KCNQ1: variants seen among roughly 807,000 people sequenced by gnomAD.
KCNQ1 encodes potassium voltage-gated channel subfamily Q member 1, also known as potassium voltage-gated channel subfamily KQT member 1.
KCNQ1 carries 49 observed loss-of-function variants against 72.4 expected under a neutral mutation model. The observed-to-expected ratio is 0.68, with a 90% CI of 0.54 to 0.86. KCNQ1 has a LOEUF of 0.86. Among genes scored for constraint, KCNQ1 ranks in the 40% least tolerant of loss-of-function variants. The pLI is 0.00. For missense variants in KCNQ1, 790 were observed against 945.1 expected (o/e 0.84, Z 2.15); for synonymous variants, 450 against 412.6 (o/e 1.09, Z -1.10).
chr11:2,586,188 T>C (rs937449517), intron 8 of KCNQ1, among the ~76,000 whole-genome samples: 5 of 152,182 alleles, frequency 3.3e-5, no homozygotes, highest in African/African-American at 1.2e-4. Context: ...ACACTGGGCC[T>C]GATGTCCCCC....
chr11:2,746,832 C>G lies in KCNQ1; in HGVS notation c.1515-22012C>G, dbSNP rs1846147835. On this transcript the variant is annotated intron_variant, in intron 11 of 15. Coordinates refer to ENST00000155840, the MANE Select transcript of KCNQ1 (RefSeq NM_000218.3). The surrounding 1 kb of genome is among the most constrained non-coding windows in gnomAD (Gnocchi z 5.9). ...ATTTGGCTCTGGGGCCCTAGAGAGA[C>G]CCTGGGATGTGGATCACACTGGTGA... Among the ~76,000 whole-genome samples the G allele has an allele frequency of 6.6e-6, 1 of 152,216 alleles. No homozygotes were observed. The highest frequency in any genetic ancestry group is 1.5e-5 in the Non-Finnish European group (1 of 68,034).
rs976999390 is a variant in KCNQ1 at position 2,565,268 on chromosome 11, G to A, written c.478-5360G>A. On this transcript the variant is annotated intron_variant, in intron 2 of 15. Coordinates refer to ENST00000155840, the MANE Select transcript of KCNQ1 (RefSeq NM_000218.3). This position sits in a 1 kb window ranked among gnomAD's most constrained non-coding sequence, Gnocchi z 5.6. ...CAGCACACAAGGTCCCAACTTCTCC[G>A]GATCCTTGGGAGCACTTGTCACTCT... 3.3e-5 allele frequency among the ~76,000 whole-genome samples: 5 copies of A among 152,114 alleles called. No individual in the cohort carries two copies. The highest frequency in any genetic ancestry group is 2.1e-4 in the South Asian group (1 of 4,820).
At chr11:2,780,599 G>T (rs1046038322) in intron 15 of KCNQ1, among the ~76,000 whole-genome samples, 1 of 152,212 alleles carries the variant, frequency 6.6e-6, no homozygotes, top group Non-Finnish European at 1.5e-5. Context: ...CCCTCAGCTG[G>T]GCTGTGCAGT....
rs1279239786 is a variant in KCNQ1, at chr11:2,748,467, C to CAG, written c.1515-20377_1515-20376insAG. Reference sequence around the variant, plus strand: ...CCTCCCCAGGCAGGGCCCTCAGCACCTGATGCCAAACCAGGCTCCACTCTT... The same window carrying CAG: ...CCTCCCCAGGCAGGGCCCTCAGCACCAGTGATGCCAAACCAGGCTCCACTCTT... On this transcript the variant is annotated intron_variant, in intron 11 of 15. Coordinates refer to ENST00000155840, the MANE Select transcript of KCNQ1 (RefSeq NM_000218.3). This position sits in a 1 kb window ranked among gnomAD's most constrained non-coding sequence, Gnocchi z 6.2. Among the ~76,000 whole-genome samples, 1 of 152,172 alleles carries CAG rather than the reference C, an allele frequency of 6.6e-6. No homozygotes were observed. The highest frequency in any genetic ancestry group is 1.5e-5 in the Non-Finnish European group (1 of 68,016).
chr11:2,567,592 C>A lies in KCNQ1; in HGVS notation c.478-3036C>A, dbSNP rs917891889. Among the ~76,000 whole-genome samples, 2 of 152,182 alleles carry A rather than the reference C, an allele frequency of 1.3e-5. No individual in the cohort carries two copies. Among genetic ancestry groups the A allele is most frequent in the African/African-American group, 4.8e-5 (2 of 41,444 alleles). The stretch of plus-strand genomic sequence containing the variant: ...AGCAAACATTCCATCTTGCTGTTTC[C>A]AGCCTAGAGATGGTGAGGGGACTTT... On this transcript the variant is annotated intron_variant, in intron 2 of 15. Coordinates refer to ENST00000155840, the MANE Select transcript of KCNQ1 (RefSeq NM_000218.3). The surrounding 1 kb of genome is among the most constrained non-coding windows in gnomAD (Gnocchi z 6.6).
At chr11:2,630,865 TG>T (rs1429487330) in intron 10 of KCNQ1, 6 of 398,406 alleles carry the variant, frequency 1.5e-5, no homozygotes, top group Non-Finnish European at 2.7e-5. Context: ...TATTCTTAGA[TG>T]GCAGTTTTTT....
intron 5 of KCNQ1, 87 bp from the exon 6 acceptor site, chr11:2,572,759 C>G (rs758700839): frequency 1.3e-6 from 2 of 1,564,844 alleles, no homozygotes; most frequent in African/African-American, 2.7e-5. Context: ...GCCCAGTGAT[C>G]GCTGGGACTC....
intron 10 of KCNQ1, chr11:2,629,974 G>A (rs985458352): frequency 5.0e-6 from 2 of 396,610 alleles, no homozygotes; most frequent in Admixed American, 4.4e-5. Flanking sequence ...TAGAAGTGGT[G>A]AGAATATCTT....
Position 2,712,974 on chromosome 11 carries a change from C to T in KCNQ1, c.1514+50893C>T, listed in dbSNP as rs1035016336. Among the ~76,000 whole-genome samples the T allele has an allele frequency of 6.6e-6, 1 of 152,078 alleles. No homozygotes were observed. The highest frequency in any genetic ancestry group is 1.5e-5 in the Non-Finnish European group (1 of 68,004). On this transcript the variant is annotated intron_variant, in intron 11 of 15. Coordinates refer to ENST00000155840, the MANE Select transcript of KCNQ1 (RefSeq NM_000218.3). The surrounding 1 kb of genome is among the most constrained non-coding windows in gnomAD (Gnocchi z 6.4). ...GTTGTAAACAGGGTGGGGCAGGGGT[C>T]CTGGTAAGTATGAGGAACCAGAGAC...
rs1849081014 is a variant in KCNQ1, at chr11:2,617,157, A to C, written c.1393+28303A>C. ...TATACTAACTATTCTCATGTTCTAC[A>C]TGAGATCTCTAGACTTGTTCATCCT... is the stretch of plus-strand genomic sequence containing the variant. On this transcript the variant is annotated intron_variant, in intron 10 of 15. Coordinates refer to ENST00000155840, the MANE Select transcript of KCNQ1 (RefSeq NM_000218.3). The surrounding 1 kb of genome is among the most constrained non-coding windows in gnomAD (Gnocchi z 4.6). The C allele has an allele frequency of 1.3e-5, 5 of 398,306 alleles. No homozygotes were observed. The East Asian group carries it at 1.8e-4, about 14-fold the overall frequency. The allele number at this position is 398,306 out of a possible 1,614,324, so 24.7% of individuals were successfully genotyped here.
Position 2,598,940 on chromosome 11 carries a change from T to C in KCNQ1, c.1393+10086T>C, listed in dbSNP as rs1198423403. On this transcript the variant is annotated intron_variant, in intron 10 of 15. Transcript: ENST00000155840. The surrounding 1 kb of genome is among the most constrained non-coding windows in gnomAD (Gnocchi z 6.2). Reference sequence around the variant, plus strand: ...TATGCAGCAAACAGTCTTGTGTCTCTGTCTGCTGCCAAATTGGCCTCAGGC... The same window carrying C: ...TATGCAGCAAACAGTCTTGTGTCTCCGTCTGCTGCCAAATTGGCCTCAGGC... 6.6e-6 allele frequency among the ~76,000 whole-genome samples: 1 copy of C among 152,250 alleles called. No individual in the cohort carries two copies. The highest frequency in any genetic ancestry group is 1.5e-5 in the Non-Finnish European group (1 of 68,038).
intron 1 of KCNQ1, among the ~76,000 whole-genome samples, chr11:2,500,233 C>CA (rs1219657221): frequency 4.0e-5 from 6 of 151,682 alleles, no homozygotes; most frequent in Admixed American, 1.3e-4. Context: ...AGACACTTCT[C>CA]AAAAAAAAGA....
intron 11 of KCNQ1, among the ~76,000 whole-genome samples, chr11:2,722,368 C>T (rs1455772438): frequency 6.6e-6 from 1 of 152,164 alleles, no homozygotes; most frequent in Non-Finnish European, 1.5e-5. Flanking sequence ...AAGGCCAGCC[C>T]ATCCTGGGAG....
At chr11:2,578,995 G>A (rs1418016626) in intron 6 of KCNQ1, among the ~76,000 whole-genome samples, 1 of 152,166 alleles carries the variant, frequency 6.6e-6, no homozygotes, top group Non-Finnish European at 1.5e-5. Context: ...TGACACCTCT[G>A]GGCTACCCCC....
chr11:2,648,982 T>TTTTTTTTTTTTTTTTTTTTTTTTTTTTG (rs1491427590), intron 10 of KCNQ1: 1 of 11,808 alleles, frequency 8.5e-5, no homozygotes, highest in Non-Finnish European at 1.9e-4. Flanking sequence ...TTTCTTTTTC[T>TTTTTTTTTTTTTTTTTTTTTTTTTTTTG]TTTTTTTTTT....
In KCNQ1 at chr11:2,736,788, T is replaced by A. The variant is rs2283224; in HGVS notation, c.1515-32056T>A. Among the ~76,000 whole-genome samples, 2,025 of 152,350 alleles carry A rather than the reference T, an allele frequency of 0.013. 87 individuals carry two copies. The East Asian group carries it at 0.14, about 11-fold the overall frequency. On this transcript the variant is annotated intron_variant, in intron 11 of 15. Coordinates refer to ENST00000155840, the MANE Select transcript of KCNQ1 (RefSeq NM_000218.3). ...CTGGTGGGTTCCTGGCTGGCTGGCA[T>A]GCGCCCTGCGCCTCTGCTGGGCCTG...
intron 10 of KCNQ1, chr11:2,660,986 T>C (rs1402245810): frequency 5.0e-6 from 2 of 398,526 alleles, no homozygotes; most frequent in Non-Finnish European, 4.4e-6. Context: ...TATTATGTAA[T>C]GACTAAAATA....
intron 15 of KCNQ1, among the ~76,000 whole-genome samples, chr11:2,841,897 AC>A (rs1304068306): frequency 6.6e-6 from 1 of 151,994 alleles, no homozygotes; most frequent in Non-Finnish European, 1.5e-5. Context: ...GAGGGAGGCA[AC>A]CCCGCTCCTG....
At chr11:2,761,835 G>A (rs1846400807) in intron 11 of KCNQ1, among the ~76,000 whole-genome samples, 1 of 152,266 alleles carries the variant, frequency 6.6e-6, no homozygotes, top group African/African-American at 2.4e-5. Context: ...TGCAGTCCCG[G>A]CCGGCTGTTT....
Sources: allele counts gnomAD v4.1 joint callset (sites outside exome capture counted in the v4.1 genomes callset), GRCh38; gene constraint gnomAD v4.1.1; non-coding constraint Gnocchi (gnomAD v3.1); transcripts MANE v1.5; gene names NCBI Gene and HGNC (gene_info 2026-07-23, HGNC 2026-07-21).